Variants in CTNND2 observed in about 807,000 individuals in gnomAD.
CTNND2 encodes the protein catenin delta 2.
A neutral mutation model predicts 144.4 loss-of-function variants in CTNND2; 22 were observed. That is an observed-to-expected ratio of 0.15 (90% CI 0.11 to 0.22). The LOEUF is 0.22. Ranked by LOEUF, CTNND2 falls within the 10% of genes least tolerant of loss-of-function variation. The pLI is 1.00. For missense variants in CTNND2, 1,353 were observed against 1,618.8 expected (o/e 0.84, Z 2.82); for synonymous variants, 751 against 695.6 (o/e 1.08, Z -1.25).
At chr5:11,053,441 T>G (rs1485026491) in intron 16 of CTNND2, among the ~76,000 whole-genome samples, 1 of 152,214 alleles carries the variant, frequency 6.6e-6, no homozygotes, top group African/African-American at 2.4e-5. Flanking sequence ...CTCAAAGGAT[T>G]TGCTGAAAAA....
At chr5:11,794,188 G>A (rs1020587428) in intron 1 of CTNND2, among the ~76,000 whole-genome samples, 1 of 152,186 alleles carries the variant, frequency 6.6e-6, no homozygotes, top group East Asian at 1.9e-4. Flanking sequence ...CTTCCCTAAG[G>A]AATTTTATTT....
At chr5:11,732,024 T>C (rs1165577933) in intron 2 of CTNND2, 112 bp downstream of exon 2, 2 of 945,430 alleles carry the variant, frequency 2.1e-6, no homozygotes, top group Non-Finnish European at 3.1e-6. Flanking sequence ...ACCAACACTC[T>C]GCTACATGAG....
At chr5:11,174,747 C>T (rs1760295322) in intron 11 of CTNND2, among the ~76,000 whole-genome samples, 2 of 152,170 alleles carry the variant, frequency 1.3e-5, no homozygotes, top group Admixed American at 6.5e-5. Flanking sequence ...TTAGGAATTT[C>T]CTGAGTCAAG....
chr5:11,517,326 C>A (rs1016167961), intron 3 of CTNND2, among the ~76,000 whole-genome samples: 127 of 152,222 alleles, frequency 8.3e-4, no homozygotes, highest in African/African-American at 2.9e-3. Flanking sequence ...ATATCTGTCC[C>A]CAACAAAATC....
At chr5:11,109,645 C>T (rs1228476495) in intron 14 of CTNND2, among the ~76,000 whole-genome samples, 1 of 152,106 alleles carries the variant, frequency 6.6e-6, no homozygotes, top group African/African-American at 2.4e-5. Flanking sequence ...TGTCTTACAC[C>T]TTTCAGTGAG....
chr5:11,397,285 A>G (rs1301785694), intron 5 of CTNND2, 82 bp from the exon 6 acceptor site: 2 of 1,189,748 alleles, frequency 1.7e-6, no homozygotes, highest in Non-Finnish European at 2.3e-6. Flanking sequence ...AGAGTAGCCT[A>G]GAATTATCTC....
intron 9 of CTNND2, among the ~76,000 whole-genome samples, chr5:11,238,545 T>C (rs900582228): frequency 2.6e-5 from 4 of 152,222 alleles, no homozygotes; most frequent in Non-Finnish European, 4.4e-5. Flanking sequence ...TTGAAACATG[T>C]TGGTGCTTCC....
intron 3 of CTNND2, among the ~76,000 whole-genome samples, chr5:11,490,791 C>T (rs764367231): frequency 6.6e-6 from 1 of 152,124 alleles, no homozygotes; most frequent in Non-Finnish European, 1.5e-5. Context: ...CTTAATCTCT[C>T]GAATGAGATA....
chr5:11,708,376 C>T (rs1042738486), intron 2 of CTNND2, among the ~76,000 whole-genome samples: 5 of 151,986 alleles, frequency 3.3e-5, no homozygotes, highest in African/African-American at 1.2e-4. Context: ...CAAGAAATCT[C>T]CTAAAGTGAA....
chr5:11,851,402 C>T (rs886281988), intron 1 of CTNND2, among the ~76,000 whole-genome samples: 2 of 152,128 alleles, frequency 1.3e-5, no homozygotes, highest in Admixed American at 1.3e-4. Flanking sequence ...AAGGTCTTTA[C>T]TCTGCATGAT....
At chr5:11,317,284 C>A (rs1303916183) in intron 9 of CTNND2, among the ~76,000 whole-genome samples, 1 of 152,160 alleles carries the variant, frequency 6.6e-6, no homozygotes, top group Non-Finnish European at 1.5e-5. Context: ...ACCCTAGATA[C>A]CATCATTTTA....
chr5:11,120,084 T>A (rs1197634660), intron 12 of CTNND2, among the ~76,000 whole-genome samples: 1 of 152,204 alleles, frequency 6.6e-6, no homozygotes, highest in African/African-American at 2.4e-5. Context: ...TCTAGTCCAG[T>A]CTCCTCCAAA....
chr5:11,607,169 C>T (rs896923712), intron 2 of CTNND2, among the ~76,000 whole-genome samples: 15 of 152,162 alleles, frequency 9.9e-5, no homozygotes, highest in Non-Finnish European at 1.9e-4. Flanking sequence ...CCTTGCAGCC[C>T]TCAGAACAAA....
Position 11,630,565 on chromosome 5 carries a change from T to C in CTNND2, c.175-65509A>G, listed in dbSNP as rs1458910487. 3.3e-5 allele frequency among the ~76,000 whole-genome samples: 5 copies of C among 152,206 alleles called. No homozygotes were observed. The East Asian group carries it at 9.6e-4, about 29-fold the overall frequency. On this transcript the variant is annotated intron_variant, in intron 2 of 21. Coordinates refer to ENST00000304623, the MANE Select transcript of CTNND2 (RefSeq NM_001332.4). Reference sequence around the variant, plus strand: ...TACTTTGGTTTGGTAACTTACCCATTTATGTGCTTTGCTCAGTTTTCCATT... The same window carrying C: ...TACTTTGGTTTGGTAACTTACCCATCTATGTGCTTTGCTCAGTTTTCCATT...
intron 2 of CTNND2, among the ~76,000 whole-genome samples, chr5:11,594,123 T>A (rs1377348733): frequency 1.3e-5 from 2 of 152,220 alleles, no homozygotes; most frequent in African/African-American, 4.8e-5. Context: ...CCTATAATGC[T>A]GTCAGTCCCA....
At chr5:11,668,385 C>A (rs904332060) in intron 2 of CTNND2, among the ~76,000 whole-genome samples, 17 of 152,214 alleles carry the variant, frequency 1.1e-4, no homozygotes, top group African/African-American at 3.9e-4. Context: ...ATTGATTCTT[C>A]CTATCCACGA....
intron 3 of CTNND2, among the ~76,000 whole-genome samples, chr5:11,414,900 C>T (rs1477684562): frequency 2.0e-5 from 3 of 152,138 alleles, no homozygotes; most frequent in Non-Finnish European, 4.4e-5. Context: ...GGCCTCCAGC[C>T]CTATCCATGT....
chr5:11,288,827 GA>G (rs1414714504), intron 9 of CTNND2, among the ~76,000 whole-genome samples: 1 of 137,018 alleles, frequency 7.3e-6, no homozygotes, highest in Admixed American at 7.3e-5. Context: ...AACCAAAAAA[GA>G]AAAAAAAGAA....
intron 8 of CTNND2, among the ~76,000 whole-genome samples, chr5:11,350,978 G>A (rs1426950892): frequency 1.3e-5 from 2 of 152,142 alleles, no homozygotes; most frequent in African/African-American, 4.8e-5. Context: ...ATGGAAAAGT[G>A]CGTATGGCAT....
Sources: gnomAD v4.1 joint callset for allele counts (sites outside exome capture counted in the v4.1 genomes callset) on GRCh38, gnomAD v4.1.1 for gene constraint, MANE v1.5 for transcripts, NCBI Gene and HGNC (gene_info 2026-07-23, HGNC 2026-07-21) for gene names.